GFM2: variants seen among roughly 807,000 people sequenced by gnomAD.
GFM2 encodes ribosome-releasing factor 2, mitochondrial.
A neutral mutation model predicts 95.4 loss-of-function variants in GFM2; 72 were observed. That is an observed-to-expected ratio of 0.76 (90% CI 0.62 to 0.92). The LOEUF is 0.92. Ranked by LOEUF, GFM2 falls within the 40% of genes least tolerant of loss-of-function variation. The pLI is 0.00. For missense variants in GFM2, 825 were observed against 924.1 expected (o/e 0.89, Z 1.39); for synonymous variants, 276 against 317.5 (o/e 0.87, Z 1.39).
At chr5:74,750,270 A>G (rs1189417005) in intron 7 of GFM2, among the ~76,000 whole-genome samples, 1 of 152,212 alleles carries the variant, frequency 6.6e-6, no homozygotes, top group African/African-American at 2.4e-5. Context: ...TGTATAATCA[A>G]TCTCACACCA....
At chr5:74,724,836 T>C (rs1750074488) in intron 19 of GFM2, among the ~76,000 whole-genome samples, 1 of 152,140 alleles carries the variant, frequency 6.6e-6, no homozygotes, top group East Asian at 1.9e-4. Context: ...TTAGGGTAGT[T>C]CAATGCTGAG....
In GFM2 at chr5:74,725,981, T is replaced by C. The variant is rs778979352; in HGVS notation, c.1872A>G (p.Gln624=). 2.5e-6 allele frequency: 4 copies of C among 1,612,840 alleles called. No homozygotes were observed. In the Admixed American group the frequency reaches 5.0e-5, roughly 20 times the overall value. The change falls in exon 18 of 21, where the codon CAA becomes CAG. Residue 624 remains glutamine, a synonymous_variant. Transcript: ENST00000296805. ...TGTGAATTCCATTTTCAATGGCCTC[T>C]TGGGAGACCTTCAAAAGGCCTTCAT... is the stretch of plus-strand genomic sequence containing the variant. ...SINEGLLKVS[Q]EAIENGIHSA...
chr5:74,747,882 C>G (rs898017314), intron 7 of GFM2, 102 bp from the exon 8 acceptor site: 1 of 644,640 alleles, frequency 1.6e-6, no homozygotes, highest in Non-Finnish European at 2.7e-6. Flanking sequence ...ATAAATTGGG[C>G]CCTATTCTAG....
At chr5:74,734,625 A>AGTTT (rs1742742165) in intron 15 of GFM2, among the ~76,000 whole-genome samples, 2 of 152,228 alleles carry the variant, frequency 1.3e-5, no homozygotes, top group South Asian at 4.1e-4. Flanking sequence ...ATACTCAAAC[A>AGTTT]GAGTACATGC....
intron 17 of GFM2, among the ~76,000 whole-genome samples, chr5:74,729,044 A>G (rs6894177): frequency 0.16 from 24,465 of 151,894 alleles, 2,393 homozygotes; most frequent in African/African-American, 0.27. Flanking sequence ...GAGCCACCAG[A>G]CCTGGCCATG....
At chr5:74,751,303 AC>A (rs1743693358) in intron 6 of GFM2, 64 bp downstream of exon 6, 6 of 1,517,238 alleles carry the variant, frequency 4.0e-6, no homozygotes, top group Non-Finnish European at 5.3e-6. Flanking sequence ...CAAAACAAAA[AC>A]CCCAGAAAAA....
In GFM2 at chr5:74,760,946, A is replaced by T; in HGVS notation, c.104T>A (p.Leu35Ter). The T allele has an allele frequency of 1.9e-6, 3 of 1,610,642 alleles. No individual in the cohort carries two copies. Among genetic ancestry groups the T allele is most frequent in the South Asian group, 2.2e-5 (2 of 90,780 alleles). ...TCTTCCAAGCGGCACATGTGGCTTT[A>T]ATCTTTTTAAACTTGCTCTTATTTT... The part of the protein sequence containing the change: ...CYKIRASLKR[L>*]KPHVPLGRNC... Residue 35 changes from leucine (L) to a stop codon, truncating the protein, a stop_gained, in exon 3 of 21, where the codon TTA becomes TAA. Transcript: ENST00000296805. LOFTEE classifies it high-confidence loss of function.
chr5:74,733,252 A>AGG, intron 15 of GFM2, 154 bp from the exon 16 acceptor site: 2 of 565,472 alleles, frequency 3.5e-6, no homozygotes, highest in Non-Finnish European at 6.3e-6. Context: ...GCACTTTGGG[A>AGG]AGCCAAGACA....
intron 5 of GFM2, among the ~76,000 whole-genome samples, chr5:74,751,900 C>T (rs983237490): frequency 3.3e-5 from 5 of 152,116 alleles, no homozygotes; most frequent in Admixed American, 2.0e-4. Flanking sequence ...CCACTTAGCA[C>T]TCTATGATCT....
chr5:74,736,245 A>G (rs1217092509), intron 15 of GFM2: 6 of 434,216 alleles, frequency 1.4e-5, no homozygotes, highest in African/African-American at 2.1e-5. Flanking sequence ...TGGAAATTAT[A>G]ATTGGAATCA....
chr5:74,746,263 GT>G, intron 8 of GFM2, 98 bp from the exon 9 acceptor site: 1 of 589,676 alleles, frequency 1.7e-6, no homozygotes, highest in Non-Finnish European at 2.7e-6. Flanking sequence ...TTTTAAGAAT[GT>G]TTTCTAAAAT....
chr5:74,751,651 T>C (rs965485458), intron 5 of GFM2, among the ~76,000 whole-genome samples, 158 bp from the exon 6 acceptor site: 1 of 152,226 alleles, frequency 6.6e-6, no homozygotes, highest in African/African-American at 2.4e-5. Flanking sequence ...TAAATCCTCA[T>C]GGTAGAAAAA....
At chr5:74,748,913 A>AT (rs59354943) in intron 7 of GFM2, among the ~76,000 whole-genome samples, 18,103 of 89,394 alleles carry the variant, frequency 0.2, 1,338 homozygotes, top group African/African-American at 0.31. Flanking sequence ...ATAAAATAAA[A>AT]AAATAAAAAA....
At chr5:74,743,132 C>T (rs1051120811) in intron 10 of GFM2, among the ~76,000 whole-genome samples, 1 of 152,204 alleles carries the variant, frequency 6.6e-6, no homozygotes, top group Non-Finnish European at 1.5e-5. Context: ...ATTCTACTTT[C>T]TGTCTCTGAA....
chr5:74,727,453 C>T (rs1246994260), intron 17 of GFM2, among the ~76,000 whole-genome samples: 1 of 152,116 alleles, frequency 6.6e-6, no homozygotes, highest in Non-Finnish European at 1.5e-5. Context: ...TTGGGAGAGT[C>T]GTCTGCACTA....
At chr5:74,751,592 A>C in intron 5 of GFM2, 99 bp from the exon 6 acceptor site, 1 of 801,708 alleles carries the variant, frequency 1.2e-6, no homozygotes, top group Non-Finnish European at 1.9e-6. Context: ...CTTAAGAAAA[A>C]TCTTTCCTAA....
At chr5:74,735,257 G>A (rs1024803975) in intron 15 of GFM2, among the ~76,000 whole-genome samples, 3 of 152,202 alleles carry the variant, frequency 2.0e-5, no homozygotes, top group Non-Finnish European at 4.4e-5. Flanking sequence ...CCTTCAGCAA[G>A]TGGACACAAA....
Position 74,733,017 on chromosome 5 carries a change from C to A in GFM2, c.1587+5G>T, listed in dbSNP as rs765999515. The A allele has an allele frequency of 1.3e-6, 2 of 1,569,812 alleles. No homozygotes were observed. Among genetic ancestry groups the A allele is most frequent in the African/African-American group, 1.4e-5 (1 of 73,626 alleles). On this transcript the variant is annotated splice_donor_5th_base_variant and intron_variant, in intron 16 of 20. Coordinates refer to ENST00000296805, the MANE Select transcript of GFM2 (RefSeq NM_032380.5). Reference sequence around the variant, plus strand: ...GCTTCTGGAGTTTAGCAATAATATACCTACTTGTCCAGAGTCAGGATCTAG... The same window carrying A: ...GCTTCTGGAGTTTAGCAATAATATAACTACTTGTCCAGAGTCAGGATCTAG...
At chr5:74,751,547 C>T (rs1345129043) in intron 5 of GFM2, 54 bp from the exon 6 acceptor site, 16 of 1,371,474 alleles carry the variant, frequency 1.2e-5, no homozygotes, top group East Asian at 4.6e-5. Context: ...GTATTTTATT[C>T]GTGCTCAATA....
Sources: gnomAD v4.1 joint callset for allele counts (sites outside exome capture counted in the v4.1 genomes callset) on GRCh38, gnomAD v4.1.1 for gene constraint, MANE v1.5 for transcripts, NCBI Gene and HGNC (gene_info 2026-07-23, HGNC 2026-07-21) for gene names.